CREBL2: variants seen among roughly 807,000 people sequenced by gnomAD.
The protein encoded by CREBL2 is cAMP-responsive element-binding protein-like 2.
Under a neutral mutation model 19.5 loss-of-function variants are expected in CREBL2, and 4 were observed. The observed-to-expected ratio is 0.20, with a 90% CI of 0.10 to 0.47. The LOEUF (loss-of-function observed/expected upper bound fraction) is 0.47, where lower values mean the gene tolerates loss of function less well. CREBL2 is among the 20% of genes least tolerant of loss of function. CREBL2 has a pLI of 0.98. For missense variants in CREBL2, 85 were observed against 145.1 expected (o/e 0.59, Z 2.13); for synonymous variants, 42 against 46.6 (o/e 0.90, Z 0.40).
chr12:12,621,587 T>C (rs1464800950), intron 1 of CREBL2, among the ~76,000 whole-genome samples: 1 of 148,592 alleles, frequency 6.7e-6, no homozygotes, highest in Non-Finnish European at 1.5e-5. Context: ...GGCGGTGATA[T>C]ATTAACCCTG....
intron 3 of CREBL2, among the ~76,000 whole-genome samples, chr12:12,641,541 T>A (rs2136308517): frequency 6.6e-6 from 1 of 152,182 alleles, no homozygotes; most frequent in Middle Eastern, 3.4e-3. Context: ...ACTCCTGACT[T>A]CAGGTAATTC....
intron 1 of CREBL2, among the ~76,000 whole-genome samples, chr12:12,627,105 T>C (rs1279157554): frequency 3.9e-5 from 6 of 152,108 alleles, no homozygotes; most frequent in African/African-American, 1.4e-4. Flanking sequence ...GAGACGATTC[T>C]GTATGATACT....
At chr12:12,625,846 T>C (rs915655863) in intron 1 of CREBL2, among the ~76,000 whole-genome samples, 1 of 152,208 alleles carries the variant, frequency 6.6e-6, no homozygotes, top group African/African-American at 2.4e-5. Context: ...AGATTAAGTG[T>C]CCTATTGTTT....
At chr12:12,618,977 G>A (rs942106100) in intron 1 of CREBL2, among the ~76,000 whole-genome samples, 1 of 152,158 alleles carries the variant, frequency 6.6e-6, no homozygotes, top group Non-Finnish European at 1.5e-5. Context: ...GCAGTGAGCC[G>A]AGATGGCGGC....
chr12:12,632,013 C>T (rs1159962638), intron 1 of CREBL2, among the ~76,000 whole-genome samples: 1 of 141,016 alleles, frequency 7.1e-6, no homozygotes, highest in Non-Finnish European at 1.5e-5. Flanking sequence ...TTAAATGTAA[C>T]TTTATAGGAA....
rs530139620 is a variant in CREBL2, at chr12:12,645,021, C to T, written c.*3023C>T. On this transcript the variant is annotated 3_prime_UTR_variant, in exon 4 of 4. Transcript: ENST00000228865. The stretch of plus-strand genomic sequence containing the variant: ...ATCTGTAAAAAAGGGGGGAGGATAA[C>T]TTTCACAGGGTAATTGGTAGGCTAA... 7.2e-5 allele frequency: 11 copies of T among 152,260 alleles called. No individual in the cohort carries two copies. The highest frequency in any genetic ancestry group is 2.6e-4 in the African/African-American group (11 of 41,556). The allele number at this position is 152,260 out of a possible 1,614,324, so 9.4% of individuals were successfully genotyped here. A position where few individuals can be genotyped will look rare whatever the true frequency, so the allele number is the denominator to read the frequency against.
chr12:12,636,167 A>G (rs1945473593), intron 2 of CREBL2, among the ~76,000 whole-genome samples, 193 bp downstream of exon 2: 3 of 152,328 alleles, frequency 2.0e-5, no homozygotes, highest in South Asian at 2.1e-4. Flanking sequence ...CGTGACTGTT[A>G]ACACTAAGGG....
rs565467670 is a variant in CREBL2 at position 12,634,085 on chromosome 12, T to C, written c.16-1692T>C. 1.5e-3 allele frequency among the ~76,000 whole-genome samples: 225 copies of C among 152,334 alleles called. 1 individual carries two copies. Among genetic ancestry groups the C allele is most frequent in the African/African-American group, 5.0e-3 (206 of 41,582 alleles). ...TAAAGAATAGTGTATAGTTCTAACA[T>C]ATTGTGTTATGCCTTATAAAACTTA... is the stretch of plus-strand genomic sequence containing the variant. On this transcript the variant is annotated intron_variant, in intron 1 of 3. Transcript: ENST00000228865.
At position 12,641,563 on chromosome 12, in the gene CREBL2, C is replaced by A. The variant is rs1395225734; in HGVS notation, c.359-431C>A. On this transcript the variant is annotated intron_variant, in intron 3 of 3. Coordinates refer to ENST00000228865, the MANE Select transcript of CREBL2 (RefSeq NM_001310.4). ...ACTTCAGGTAATTCACCCGCCTTGG[C>A]CTCCCAAAGTGCTAGGATTACAGGT... Among the ~76,000 whole-genome samples, 5 of 152,002 alleles carry A rather than the reference C, an allele frequency of 3.3e-5. No homozygotes were observed. In the East Asian group the frequency reaches 9.6e-4, roughly 29 times the overall value.
chr12:12,620,818 A>T (rs1170815588), intron 1 of CREBL2, among the ~76,000 whole-genome samples: 2 of 152,242 alleles, frequency 1.3e-5, no homozygotes, highest in Non-Finnish European at 2.9e-5. Context: ...AGAGTTTGTA[A>T]CTGTTCTCAG....
At chr12:12,623,419 C>G (rs1945376180) in intron 1 of CREBL2, among the ~76,000 whole-genome samples, 1 of 151,956 alleles carries the variant, frequency 6.6e-6, no homozygotes, top group African/African-American at 2.4e-5. Context: ...AGAAAAATGA[C>G]TTATGGACTG....
At chr12:12,626,221 ATAAT>A (rs1193890387) in intron 1 of CREBL2, among the ~76,000 whole-genome samples, 1 of 116,352 alleles carries the variant, frequency 8.6e-6, no homozygotes, top group Non-Finnish European at 2.1e-5. Flanking sequence ...GCATGCAACT[ATAAT>A]TATATGTTCT....
intron 1 of CREBL2, among the ~76,000 whole-genome samples, chr12:12,633,450 A>G (rs1036788538): frequency 6.6e-6 from 1 of 152,132 alleles, no homozygotes. Context: ...CAAACAAACA[A>G]ACAAAAAACA....
chr12:12,611,930 G>A lies in CREBL2; in HGVS notation c.-243G>A, dbSNP rs1026371627. 3.4e-5 allele frequency: 20 copies of A among 579,974 alleles called. No individual in the cohort carries two copies. In the Admixed American group the frequency reaches 5.9e-4, roughly 17 times the overall value. The allele number at this position is 579,974 out of a possible 1,614,324, so 35.9% of individuals were successfully genotyped here. Reference sequence around the variant, plus strand: ...AACACCCAGAGACTGTCATGGAGGGGGAGGAGGAGGCGGCGGCGGCGAAGG... The same window carrying A: ...AACACCCAGAGACTGTCATGGAGGGAGAGGAGGAGGCGGCGGCGGCGAAGG... On this transcript the variant is annotated 5_prime_UTR_variant, in exon 1 of 4. Coordinates refer to ENST00000228865, the MANE Select transcript of CREBL2 (RefSeq NM_001310.4).
At chr12:12,633,320 A>T (rs564004958) in intron 1 of CREBL2, among the ~76,000 whole-genome samples, 3 of 151,984 alleles carry the variant, frequency 2.0e-5, no homozygotes, top group Non-Finnish European at 4.4e-5. Flanking sequence ...CTGTAATCCC[A>T]GCTACTTGGG....
intron 1 of CREBL2, among the ~76,000 whole-genome samples, chr12:12,619,709 C>G (rs897425726): frequency 2.0e-5 from 3 of 152,162 alleles, no homozygotes; most frequent in Admixed American, 2.0e-4. Flanking sequence ...ATAGAAGGTT[C>G]TTATTTTTTA....
At chr12:12,621,256 C>T (rs1044453833) in intron 1 of CREBL2, among the ~76,000 whole-genome samples, 5 of 152,194 alleles carry the variant, frequency 3.3e-5, no homozygotes, top group African/African-American at 4.8e-5. Flanking sequence ...CAGTGGCTCA[C>T]GCCTGTAATC....
intron 1 of CREBL2, among the ~76,000 whole-genome samples, chr12:12,625,624 A>G (rs1021515637): frequency 2.0e-5 from 3 of 152,180 alleles, no homozygotes; most frequent in Admixed American, 6.5e-5. Context: ...CCATGATACA[A>G]ATCTAGGGAC....
At chr12:12,625,195 A>G (rs945740487) in intron 1 of CREBL2, among the ~76,000 whole-genome samples, 4 of 152,150 alleles carry the variant, frequency 2.6e-5, no homozygotes, top group Non-Finnish European at 5.9e-5. Flanking sequence ...CCGTCATTTC[A>G]GGCTTTTCGG....
Sources: gnomAD v4.1 joint callset for allele counts (sites outside exome capture counted in the v4.1 genomes callset) on GRCh38, gnomAD v4.1.1 for gene constraint, MANE v1.5 for transcripts, NCBI Gene and HGNC (gene_info 2026-07-23, HGNC 2026-07-21) for gene names.